Variants in RAPGEF2 observed in about 807,000 individuals in gnomAD.
RAPGEF2 encodes the protein PDZ domain containing guanine nucleotide exchange factor (GEF) 1.
A neutral mutation model predicts 186.7 loss-of-function variants in RAPGEF2; 54 were observed. The observed-to-expected ratio is 0.29, with a 90% confidence interval of 0.23 to 0.36. The LOEUF is 0.36. RAPGEF2 is among the 10% of genes least tolerant of loss of function. The pLI, the probability that RAPGEF2 is intolerant of heterozygous loss-of-function variation, is 1.00. For missense variants in RAPGEF2, 1,532 were observed against 2,045.0 expected, an observed-to-expected ratio of 0.75 and a Z score of 4.84; for synonymous variants, 712 against 705.9, an observed-to-expected ratio of 1.01 and a Z score of -0.14.
At chr4:159,305,167 A>G (rs928345324) in intron 8 of RAPGEF2, among the ~76,000 whole-genome samples, 2 of 152,188 alleles carry the variant, frequency 1.3e-5, no homozygotes, top group African/African-American at 4.8e-5. Flanking sequence ...TTTTGATACA[A>G]TGATTTATTT....
At chr4:159,166,010 A>G (rs895214592) in intron 1 of RAPGEF2, among the ~76,000 whole-genome samples, 6 of 152,198 alleles carry the variant, frequency 3.9e-5, no homozygotes, top group Admixed American at 2.6e-4. Context: ...TCAAAAGTGG[A>G]TTAGTGCTCC....
At chr4:159,243,132 A>G (rs1246293593) in intron 6 of RAPGEF2, among the ~76,000 whole-genome samples, 2 of 148,236 alleles carry the variant, frequency 1.3e-5, no homozygotes, top group African/African-American at 5.0e-5. Context: ...TTTTAAGTGG[A>G]TTTTTAAGAG....
chr4:159,309,406 A>G (rs750471189), intron 8 of RAPGEF2, among the ~76,000 whole-genome samples: 11 of 151,942 alleles, frequency 7.2e-5, no homozygotes, highest in Non-Finnish European at 1.2e-4. Context: ...TCTTGTCTCT[A>G]TTTTTTCCCC....
At chr4:159,335,461 A>G (rs991521917) in intron 17 of RAPGEF2, among the ~76,000 whole-genome samples, 1 of 152,200 alleles carries the variant, frequency 6.6e-6, no homozygotes, top group African/African-American at 2.4e-5. Flanking sequence ...GAGTGGCCGC[A>G]TGTCTGGATG....
chr4:159,323,720 A>T (rs958498654), intron 11 of RAPGEF2, 103 bp downstream of exon 11: 47 of 484,686 alleles, frequency 9.7e-5, no homozygotes, highest in South Asian at 1.8e-4. Context: ...CTTACAAATA[A>T]TTTTTTTTTT....
intron 7 of RAPGEF2, among the ~76,000 whole-genome samples, chr4:159,260,518 A>T (rs1199898954): frequency 6.6e-6 from 1 of 152,070 alleles, no homozygotes; most frequent in Non-Finnish European, 1.5e-5. Flanking sequence ...AGACCACCTT[A>T]AGAGTGTGAA....
At chr4:159,302,550 C>A (rs555445438) in intron 7 of RAPGEF2, among the ~76,000 whole-genome samples, 1 of 151,770 alleles carries the variant, frequency 6.6e-6, no homozygotes, top group South Asian at 2.1e-4. Flanking sequence ...ATCTATCCTG[C>A]CTATTATTTA....
At chr4:159,109,439 T>C (rs549281019) in intron 1 of RAPGEF2, among the ~76,000 whole-genome samples, 1 of 152,248 alleles carries the variant, frequency 6.6e-6, no homozygotes, top group Non-Finnish European at 1.5e-5. Context: ...CACTCCATTT[T>C]TGGTAACAAT....
At chr4:159,352,553 G>A (rs1040174173) in intron 26 of RAPGEF2, 132 bp from the exon 27 acceptor site, 4 of 666,258 alleles carry the variant, frequency 6.0e-6, no homozygotes, top group Non-Finnish European at 1.1e-5. Context: ...GTCTCTACAA[G>A]TGAAATGGGG....
chr4:159,308,716 C>A (rs1435587080), intron 8 of RAPGEF2, among the ~76,000 whole-genome samples: 2 of 152,128 alleles, frequency 1.3e-5, no homozygotes, highest in African/African-American at 4.8e-5. Context: ...GAGAGGAATT[C>A]ATGAGTGAAT....
rs574151375 is a variant in RAPGEF2, at chr4:159,270,436, T to A, written c.543+26645T>A. Among the ~76,000 whole-genome samples the A allele has an allele frequency of 4.4e-4, 67 of 152,334 alleles. 1 individual carries two copies. In the South Asian group the frequency reaches 0.013, roughly 31 times the overall value. On this transcript the variant is annotated intron_variant, in intron 7 of 29. Coordinates refer to ENST00000691494, the MANE Select transcript of RAPGEF2 (RefSeq NM_001394067.2). ...GAATAGAATTTATTAAATTCACAAA[T>A]ACTTCTGTTTTGCTTATTCAAAAAG...
intron 4 of RAPGEF2, among the ~76,000 whole-genome samples, chr4:159,221,629 G>C (rs1402214304): frequency 6.6e-6 from 1 of 152,162 alleles, no homozygotes; most frequent in Admixed American, 6.5e-5. Context: ...CACGGTCTCT[G>C]TTACACCTGC....
chr4:159,198,267 T>C (rs1018349341), intron 3 of RAPGEF2, among the ~76,000 whole-genome samples: 1 of 100,882 alleles, frequency 9.9e-6, no homozygotes, highest in Non-Finnish European at 2.1e-5. Context: ...TTTCTCTTTC[T>C]TTCCTTCTTT....
At chr4:159,134,208 G>A (rs1347769759) in intron 1 of RAPGEF2, among the ~76,000 whole-genome samples, 1 of 152,134 alleles carries the variant, frequency 6.6e-6, no homozygotes, top group Non-Finnish European at 1.5e-5. Flanking sequence ...TTTTAAGAAT[G>A]TCTTGTACTG....
At chr4:159,275,054 C>CGT (rs35461332) in intron 7 of RAPGEF2, among the ~76,000 whole-genome samples, 11,586 of 143,840 alleles carry the variant, frequency 0.081, 533 homozygotes, top group East Asian at 0.23. Context: ...CTCTGTCTCT[C>CGT]GTGTGTGTGT....
intron 1 of RAPGEF2, among the ~76,000 whole-genome samples, chr4:159,126,670 GA>G (rs1474618311): frequency 6.6e-6 from 1 of 152,084 alleles, no homozygotes; most frequent in Non-Finnish European, 1.5e-5. Flanking sequence ...GTGTTTACAG[GA>G]ACCCACACTT....
intron 26 of RAPGEF2, among the ~76,000 whole-genome samples, chr4:159,350,754 G>A (rs547156393): frequency 7.1e-4 from 108 of 152,098 alleles, no homozygotes; most frequent in African/African-American, 2.6e-3. Flanking sequence ...GTACTCAGTC[G>A]CCTCCTTATG....
At chr4:159,209,926 A>G (rs1043202734) in intron 3 of RAPGEF2, among the ~76,000 whole-genome samples, 3 of 152,258 alleles carry the variant, frequency 2.0e-5, no homozygotes, top group Admixed American at 6.5e-5. Context: ...AGCAGTAAAA[A>G]GAATACTCAA....
chr4:159,343,964 CT>C, intron 22 of RAPGEF2, 71 bp from the exon 23 acceptor site: 1 of 1,479,160 alleles, frequency 6.8e-7, no homozygotes, highest in Non-Finnish European at 9.5e-7. Flanking sequence ...CTAGTCCTTT[CT>C]TTCTGAGCTT....
Sources: allele counts gnomAD v4.1 joint callset (sites outside exome capture counted in the v4.1 genomes callset), GRCh38; gene constraint gnomAD v4.1.1; transcripts MANE v1.5; gene names NCBI Gene and HGNC (gene_info 2026-07-23, HGNC 2026-07-21).